Variants in LAMC1 observed in about 807,000 individuals in gnomAD.
The protein encoded by LAMC1 is laminin subunit gamma 1.
Under a neutral mutation model 173.6 loss-of-function variants are expected in LAMC1, and 38 were observed. The observed-to-expected ratio is 0.22, with a 90% CI of 0.17 to 0.29. LAMC1 has a LOEUF of 0.29. LAMC1 is among the 10% of genes least tolerant of loss of function. LAMC1 has a pLI of 1.00. For missense variants in LAMC1, 1,824 were observed against 2,051.8 expected, an observed-to-expected ratio of 0.89 and a Z score of 2.14; for synonymous variants, 746 against 749.1, an observed-to-expected ratio of 1.00 and a Z score of 0.07.
At chr1:183,102,808 A>G (rs1051734147) in intron 1 of LAMC1, among the ~76,000 whole-genome samples, 1 of 152,128 alleles carries the variant, frequency 6.6e-6, no homozygotes, top group African/African-American at 2.4e-5. Flanking sequence ...CCCTTCTTCA[A>G]ATGTCTGTAT....
intron 1 of LAMC1, among the ~76,000 whole-genome samples, chr1:183,031,685 G>A (rs943203468): frequency 1.3e-5 from 2 of 152,164 alleles, no homozygotes; most frequent in Admixed American, 6.5e-5. Context: ...AGGGAAAGGT[G>A]TTAAAGTTTA....
At chr1:183,087,372 T>C (rs773415458) in intron 1 of LAMC1, among the ~76,000 whole-genome samples, 3 of 152,140 alleles carry the variant, frequency 2.0e-5, no homozygotes, top group African/African-American at 4.8e-5. Flanking sequence ...AAGAGATAGC[T>C]GGGGATGAGT....
In LAMC1 at chr1:183,144,299, GTGTTT is replaced by G. The variant is rs1162576961; in HGVS notation, c.*1515_*1519del. ...ATTTATATTTTTGTGTGAATGTTTTGTGTTTTGTTTATCATGATTATAGAATAAGG... is the reference window on the plus strand; with the variant it reads ...ATTTATATTTTTGTGTGAATGTTTTGTGTTTATCATGATTATAGAATAAGG... On this transcript the variant is annotated 3_prime_UTR_variant, in exon 28 of 28. Coordinates refer to ENST00000258341, the MANE Select transcript of LAMC1 (RefSeq NM_002293.4). 6 of 152,538 alleles carry G rather than the reference GTGTTT, an allele frequency of 3.9e-5. No homozygotes were observed. Among genetic ancestry groups the G allele is most frequent in the Non-Finnish European group, 7.4e-5 (5 of 68,010 alleles). The allele number at this position is 152,538 out of a possible 1,614,324, so 9.4% of individuals were successfully genotyped here.
At chr1:183,092,905 A>G (rs1655601843) in intron 1 of LAMC1, among the ~76,000 whole-genome samples, 1 of 152,122 alleles carries the variant, frequency 6.6e-6, no homozygotes, top group Admixed American at 6.5e-5. Flanking sequence ...ACAACACATG[A>G]TGTCTTCCCA....
chr1:183,138,666 C>T (rs1433733242), intron 26 of LAMC1: 1 of 152,112 alleles, frequency 6.6e-6, no homozygotes, highest in Admixed American at 6.6e-5. Context: ...TCTGTGCAAC[C>T]ACCTAATTTT....
At chr1:183,036,261 G>A (rs1653978661) in intron 1 of LAMC1, among the ~76,000 whole-genome samples, 1 of 151,922 alleles carries the variant, frequency 6.6e-6, no homozygotes, top group Non-Finnish European at 1.5e-5. Context: ...ACTGTGCCCA[G>A]CTGATTTTTG....
At chr1:183,056,934 T>C (rs562401333) in intron 1 of LAMC1, among the ~76,000 whole-genome samples, 142 of 152,356 alleles carry the variant, frequency 9.3e-4, no homozygotes, top group African/African-American at 3.2e-3. Flanking sequence ...AGGTATACTA[T>C]ATGAGTAATT....
intron 1 of LAMC1, among the ~76,000 whole-genome samples, chr1:183,058,340 T>A (rs1187813402): frequency 2.0e-5 from 3 of 152,224 alleles, no homozygotes; most frequent in African/African-American, 7.2e-5. Context: ...TATATGTGTC[T>A]GCTTCTTGAA....
At position 183,135,065 on chromosome 1, in the gene LAMC1, A is replaced by C; in HGVS notation, c.4023A>C (p.Arg1341=). ...AGACCGCAGACCAACTCCTAGCCCG[A>C]GCTGATGCTGCCAAGGCCCTCGCTG... ...EQQTADQLLA[R]ADAAKALAEE... is the part of the protein sequence containing the mutation. The change falls in exon 24 of 28, where the codon CGA becomes CGC. Residue 1341 remains arginine (R), a synonymous_variant. Transcript: ENST00000258341. 1.2e-6 allele frequency: 2 copies of C among 1,614,112 alleles called. No homozygotes were observed. Among genetic ancestry groups the C allele is most frequent in the Non-Finnish European group, 1.7e-6 (2 of 1,179,976 alleles).
chr1:183,140,030 A>G (rs751281128), intron 26 of LAMC1, among the ~76,000 whole-genome samples: 1 of 152,160 alleles, frequency 6.6e-6, no homozygotes, highest in Non-Finnish European at 1.5e-5. Context: ...CATAGTTTCT[A>G]TAATCATCCT....
At chr1:183,139,545 G>C (rs1262755183) in intron 26 of LAMC1, among the ~76,000 whole-genome samples, 1 of 152,172 alleles carries the variant, frequency 6.6e-6, no homozygotes, top group East Asian at 1.9e-4. Flanking sequence ...ATTTATTTGT[G>C]AAGGTTTTTT....
rs1653609986 is a variant in LAMC1, at chr1:183,023,949, TGCAGACCGG to T, written c.235_243del (p.Gln79_Gly81del). 6.2e-7 allele frequency: 1 copy of T among 1,613,316 alleles called. No individual in the cohort carries two copies. The highest frequency in any genetic ancestry group is 8.5e-7 in the Non-Finnish European group (1 of 1,179,954). On this transcript the variant is annotated inframe_deletion, in exon 1 of 28. Transcript: ENST00000258341. ...GGGACTCCGCCCGAGGAATACTGTGTGCAGACCGGGGTGACCGGGGTCACCAAGTCCTGT... is the reference window on the plus strand; with the variant it reads ...GGGACTCCGCCCGAGGAATACTGTGTGGTGACCGGGGTCACCAAGTCCTGT...
At chr1:183,048,552 T>C (rs970509028) in intron 1 of LAMC1, among the ~76,000 whole-genome samples, 1 of 152,354 alleles carries the variant, frequency 6.6e-6, no homozygotes, top group Non-Finnish European at 1.5e-5. Flanking sequence ...CATTCTAGTA[T>C]AGTAATCCCT....
At chr1:183,101,010 A>G (rs766701427) in intron 1 of LAMC1, among the ~76,000 whole-genome samples, 1 of 152,196 alleles carries the variant, frequency 6.6e-6, no homozygotes, top group Non-Finnish European at 1.5e-5. Context: ...CAAGAGACAT[A>G]TGCCTGGTTC....
intron 10 of LAMC1, 90 bp downstream of exon 10, chr1:183,117,813 T>A: frequency 8.4e-7 from 1 of 1,188,908 alleles, no homozygotes; most frequent in Non-Finnish European, 1.2e-6. Context: ...AGATGTATTT[T>A]AAAGAAAAAC....
chr1:183,079,271 T>C, intron 1 of LAMC1, among the ~76,000 whole-genome samples: 1 of 92,456 alleles, frequency 1.1e-5, no homozygotes, highest in African/African-American at 4.3e-5. Context: ...TTTTTTTTTT[T>C]TGAGATGGAG....
intron 25 of LAMC1, among the ~76,000 whole-genome samples, chr1:183,137,346 A>G (rs890066673): frequency 6.6e-6 from 1 of 152,220 alleles, no homozygotes; most frequent in African/African-American, 2.4e-5. Flanking sequence ...TAGAAAGTGT[A>G]TGCCATTAAA....
At chr1:183,091,072 A>G (rs1655554232) in intron 1 of LAMC1, among the ~76,000 whole-genome samples, 1 of 152,178 alleles carries the variant, frequency 6.6e-6, no homozygotes, top group Admixed American at 6.5e-5. Flanking sequence ...TATCAAATGT[A>G]ATGGAATTAA....
In LAMC1 at chr1:183,037,608, T is replaced by C. The variant is rs564409915; in HGVS notation, c.418+13474T>C. 6.8e-4 allele frequency among the ~76,000 whole-genome samples: 103 copies of C among 152,318 alleles called. 1 individual carries two copies. The highest frequency in any genetic ancestry group is 6.8e-3 in the Middle Eastern group (2 of 294). ...GTGATACTATTCACTTTGATGTCTG[T>C]GTATGTGAATTTGCAAATCTGTAAG... On this transcript the variant is annotated intron_variant, in intron 1 of 27. Coordinates refer to ENST00000258341, the MANE Select transcript of LAMC1 (RefSeq NM_002293.4).
Sources: allele counts gnomAD v4.1 joint callset (sites outside exome capture counted in the v4.1 genomes callset), GRCh38; gene constraint gnomAD v4.1.1; transcripts MANE v1.5; gene names NCBI Gene and HGNC (gene_info 2026-07-23, HGNC 2026-07-21).